Variants in HIP1 observed in about 807,000 individuals in gnomAD.
The protein encoded by HIP1 is huntingtin-interacting protein 1.
HIP1 carries 65 observed loss-of-function variants against 147.6 expected under a neutral mutation model. That is an observed-to-expected ratio of 0.44 (90% CI 0.36 to 0.54). The LOEUF (loss-of-function observed/expected upper bound fraction) is 0.54. Among genes scored for constraint, HIP1 ranks in the 20% least tolerant of loss-of-function variants. The pLI is 0.00. For synonymous variants in HIP1, 479 were observed against 504.0 expected (o/e 0.95, Z 0.67); for missense variants, 1,061 against 1,299.6 (o/e 0.82, Z 2.82).
chr7:75,690,225 G>A (rs1031154509), intron 1 of HIP1, among the ~76,000 whole-genome samples: 8 of 152,008 alleles, frequency 5.3e-5, no homozygotes, highest in African/African-American at 1.9e-4. Flanking sequence ...GCAGCAGGGG[G>A]TGGTGATTGC....
intron 1 of HIP1, among the ~76,000 whole-genome samples, chr7:75,720,392 C>T (rs1425048681): frequency 1.3e-5 from 2 of 152,068 alleles, no homozygotes; most frequent in Non-Finnish European, 2.9e-5. Context: ...AACTCCTGAC[C>T]TCAAGTGATC....
Position 75,568,422 on chromosome 7 carries a change from G to T in HIP1, c.746-166C>A, listed in dbSNP as rs1430550464. Among the ~76,000 whole-genome samples, 1 of 152,200 alleles carries T rather than the reference G, an allele frequency of 6.6e-6. No individual in the cohort carries two copies. The highest frequency in any genetic ancestry group is 2.4e-5 in the African/African-American group (1 of 41,452). ...GTCCCGAGGTCTGGTAACCAAGGGA[G>T]CCCAGCAGGAACCAGCAGGAGTGTG... is the stretch of plus-strand genomic sequence containing the variant. On this transcript the variant is annotated intron_variant, in intron 8 of 30. Coordinates refer to ENST00000336926, the MANE Select transcript of HIP1 (RefSeq NM_005338.7). The surrounding 1 kb of genome is among the most constrained non-coding windows in gnomAD (Gnocchi z 4.1).
intron 23 of HIP1, among the ~76,000 whole-genome samples, chr7:75,548,315 C>A (rs1212844803): frequency 6.6e-6 from 1 of 152,028 alleles, no homozygotes; most frequent in Non-Finnish European, 1.5e-5. Flanking sequence ...GCGTGAGCCA[C>A]CACGCCTGGC....
chr7:75,580,261 C>T (rs1469661157), intron 7 of HIP1, among the ~76,000 whole-genome samples: 1 of 152,224 alleles, frequency 6.6e-6, no homozygotes, highest in Non-Finnish European at 1.5e-5. Flanking sequence ...CATGAGCCAG[C>T]CCAGTTCCGA....
chr7:75,577,027 C>A (rs375870815), intron 7 of HIP1, among the ~76,000 whole-genome samples: 7 of 152,026 alleles, frequency 4.6e-5, no homozygotes, highest in Admixed American at 1.3e-4. Context: ...GTGCACACTG[C>A]GGGTGCTTCT....
At chr7:75,550,474 C>T (rs781911175) in intron 22 of HIP1, among the ~76,000 whole-genome samples, 16 of 152,024 alleles carry the variant, frequency 1.1e-4, no homozygotes, top group Non-Finnish European at 1.9e-4. Flanking sequence ...TGCAGTGGTG[C>T]GATCATAGCT....
intron 1 of HIP1, among the ~76,000 whole-genome samples, chr7:75,704,099 C>T (rs1172691058): frequency 1.3e-5 from 2 of 152,162 alleles, no homozygotes; most frequent in African/African-American, 4.8e-5. Context: ...GAAATACCTC[C>T]ATAAGTCAAG....
At position 75,539,339 on chromosome 7, in the gene HIP1, A is replaced by G. The variant is rs1554489403; in HGVS notation, c.3045T>C (p.Ala1015=). ...TCAGCTTACCTTCTTCCCAGCCCTC[A>G]GCAACACCAGCAAGCTCGTAGTGCT... ...RKKHYELAGV[A]EGWEEGTEAS... Residue 1015 remains alanine, a synonymous_variant, in exon 30 of 31, where the codon GCT becomes GCC. Coordinates refer to ENST00000336926, the MANE Select transcript of HIP1 (RefSeq NM_005338.7). 2 of 1,613,830 alleles carry G rather than the reference A, an allele frequency of 1.2e-6. No individual in the cohort carries two copies.
chr7:75,618,003 C>A (rs183233690), intron 1 of HIP1, among the ~76,000 whole-genome samples: 9 of 152,348 alleles, frequency 5.9e-5, no homozygotes, highest in Non-Finnish European at 5.9e-5. Context: ...ATGGCCCTGG[C>A]CAGAGCTCCC....
chr7:75,612,460 A>G (rs1882452), intron 1 of HIP1, among the ~76,000 whole-genome samples: 36,754 of 146,132 alleles, frequency 0.25, 8,847 homozygotes, highest in African/African-American at 0.63. Context: ...AGTGAGCCGA[A>G]TTCGCGCCAC....
intron 1 of HIP1, among the ~76,000 whole-genome samples, chr7:75,627,989 C>T (rs1798100629): frequency 6.6e-6 from 1 of 152,212 alleles, no homozygotes; most frequent in Admixed American, 6.5e-5. Context: ...TCCAGAGTTC[C>T]CTGGCAGCCA....
intron 1 of HIP1, among the ~76,000 whole-genome samples, chr7:75,685,022 T>C (rs1294116409): frequency 1.3e-5 from 2 of 151,734 alleles, no homozygotes; most frequent in African/African-American, 4.8e-5. Context: ...ACCCAGGAGG[T>C]GGAGCTTGCA....
In HIP1 at chr7:75,568,289, G is replaced by A. The variant is rs782114342; in HGVS notation, c.746-33C>T. ...AAATTGGAAAGAGTGTGAGAGGGGA[G>A]GGGGACCAGAGGGCAGGGAAGCCAC... On this transcript the variant is annotated intron_variant, in intron 8 of 30. Transcript: ENST00000336926. The surrounding 1 kb of genome is among the most constrained non-coding windows in gnomAD (Gnocchi z 4.1). 3 of 1,504,172 alleles carry A rather than the reference G, an allele frequency of 2.0e-6. No individual in the cohort carries two copies. The highest frequency in any genetic ancestry group is 2.8e-6 in the Non-Finnish European group (3 of 1,079,838). 93.2% of individuals were successfully genotyped at this position (1,504,172 alleles called of 1,614,324 possible).
intron 1 of HIP1, among the ~76,000 whole-genome samples, chr7:75,638,033 C>T (rs1412929511): frequency 7.6e-6 from 1 of 132,212 alleles, no homozygotes; most frequent in Non-Finnish European, 1.6e-5. Flanking sequence ...CACACACACA[C>T]AGCCCACGAC....
At position 75,559,933 on chromosome 7, in the gene HIP1, T is replaced by A; in HGVS notation, c.1192-18A>T. On this transcript the variant is annotated intron_variant, in intron 13 of 30. Coordinates refer to ENST00000336926, the MANE Select transcript of HIP1 (RefSeq NM_005338.7). ...CGCTGGCTCTGTGGGGGGACTCCGG[T>A]CATGAGGCCAACCGCCCACTGCCAC... 3 of 1,577,002 alleles carry A rather than the reference T, an allele frequency of 1.9e-6. No individual in the cohort carries two copies. Among genetic ancestry groups the A allele is most frequent in the South Asian group, 1.1e-5 (1 of 87,142 alleles).
intron 1 of HIP1, among the ~76,000 whole-genome samples, chr7:75,677,347 T>G (rs566842418): frequency 5.9e-5 from 9 of 151,654 alleles, no homozygotes; most frequent in Admixed American, 5.9e-4. Flanking sequence ...GGCTCACGCC[T>G]GTAATCCCAG....
intron 9 of HIP1, among the ~76,000 whole-genome samples, chr7:75,565,786 C>T (rs1795381195): frequency 6.6e-6 from 1 of 150,678 alleles, no homozygotes; most frequent in Non-Finnish European, 1.5e-5. Context: ...AGCTGTAGTG[C>T]AGTGGCATGA....
At chr7:75,573,612 A>G in intron 8 of HIP1, 149 bp downstream of exon 8, 4 of 767,892 alleles carry the variant, frequency 5.2e-6, no homozygotes, top group Non-Finnish European at 8.2e-6. Flanking sequence ...TTTTATCCTC[A>G]CAATGGTCAG....
chr7:75,558,160 G>A lies in HIP1; in HGVS notation c.1464+7C>T. ...TGCAGGATGGTGACAGGGGCTGAGG[G>A]TCTTACCTTCCGCAGCAGGTCAGCG... On this transcript the variant is annotated splice_region_variant and intron_variant, in intron 15 of 30. Transcript: ENST00000336926. 2 of 1,610,280 alleles carry A rather than the reference G, an allele frequency of 1.2e-6. No individual in the cohort carries two copies.
Sources: gnomAD v4.1 joint callset for allele counts (sites outside exome capture counted in the v4.1 genomes callset) on GRCh38, gnomAD v4.1.1 for gene constraint, Gnocchi (gnomAD v3.1) non-coding constraint, MANE v1.5 for transcripts, NCBI Gene and HGNC (gene_info 2026-07-23, HGNC 2026-07-21) for gene names.